TSHZ2: variants seen among roughly 807,000 people sequenced by gnomAD.
TSHZ2 encodes teashirt zinc finger homeobox 2, also known as teashirt homolog 2.
A neutral mutation model predicts 74.4 loss-of-function variants in TSHZ2; 21 were observed. The observed-to-expected ratio is 0.28, with a 90% CI of 0.20 to 0.41. The LOEUF is 0.41. Ranked by LOEUF, TSHZ2 falls within the 10% of genes least tolerant of loss-of-function variation. The pLI is 1.00. For synonymous variants in TSHZ2, 540 were observed against 515.3 expected (o/e 1.05, Z -0.65); for missense variants, 1,244 against 1,293.5 (o/e 0.96, Z 0.59).
chr20:53,361,568 C>T (rs1432163997), intron 2 of TSHZ2, among the ~76,000 whole-genome samples: 1 of 152,202 alleles, frequency 6.6e-6, no homozygotes, highest in African/African-American at 2.4e-5. Flanking sequence ...CTGAGTCACT[C>T]TTGAGGCCTT....
At chr20:53,063,681 G>A (rs573405147) in intron 1 of TSHZ2, among the ~76,000 whole-genome samples, 1 of 152,284 alleles carries the variant, frequency 6.6e-6, no homozygotes, top group East Asian at 1.9e-4. Context: ...ATATGCATAT[G>A]CAAAAATCAA....
chr20:52,990,336 A>T (rs889307362), intron 1 of TSHZ2, among the ~76,000 whole-genome samples: 36 of 151,920 alleles, frequency 2.4e-4, no homozygotes, highest in Middle Eastern at 3.4e-3. Flanking sequence ...TAACCAAAAC[A>T]TTTGCACATA....
chr20:53,295,472 A>G (rs1437864956), intron 2 of TSHZ2, among the ~76,000 whole-genome samples: 1 of 152,160 alleles, frequency 6.6e-6, no homozygotes, highest in African/African-American at 2.4e-5. Context: ...ATCACTAAAA[A>G]CAAAGAAATG....
intron 1 of TSHZ2, among the ~76,000 whole-genome samples, chr20:53,142,642 T>A (rs1224641804): frequency 2.6e-5 from 4 of 152,228 alleles, no homozygotes; most frequent in African/African-American, 4.8e-5. Flanking sequence ...CTTTGTCTAA[T>A]GCTTGCATTT....
At chr20:53,007,584 T>C (rs937566151) in intron 1 of TSHZ2, among the ~76,000 whole-genome samples, 9 of 151,730 alleles carry the variant, frequency 5.9e-5, no homozygotes, top group African/African-American at 1.9e-4. Flanking sequence ...ATGATAAGAG[T>C]CATCCAAGAA....
intron 2 of TSHZ2, among the ~76,000 whole-genome samples, chr20:53,408,379 A>G: frequency 6.6e-6 from 1 of 152,230 alleles, no homozygotes; most frequent in Non-Finnish European, 1.5e-5. Context: ...TGTGGTTCTC[A>G]AGCCAGTCTC....
At chr20:53,450,418 C>T (rs1984731653) in intron 2 of TSHZ2, among the ~76,000 whole-genome samples, 2 of 152,214 alleles carry the variant, frequency 1.3e-5, no homozygotes, top group African/African-American at 2.4e-5. Context: ...TTTTCTTGAA[C>T]TCATGCAGGA....
chr20:53,327,774 C>G (rs1006824603), intron 2 of TSHZ2, among the ~76,000 whole-genome samples: 1 of 152,208 alleles, frequency 6.6e-6, no homozygotes, highest in African/African-American at 2.4e-5. Context: ...CTTCAGGGTA[C>G]GATAAGAGCT....
rs184808371 is a variant in TSHZ2, at chr20:53,489,278, C to T, written c.*2143C>T. On this transcript the variant is annotated 3_prime_UTR_variant, in exon 3 of 3. Transcript: ENST00000371497. ...TTGAGAACAGTGAGGTCTGTCTTTGCTTAACCTATTCAACCAGAAATGAAT... is the reference window on the plus strand; with the variant it reads ...TTGAGAACAGTGAGGTCTGTCTTTGTTTAACCTATTCAACCAGAAATGAAT... 1 of 432,178 alleles carries T rather than the reference C, an allele frequency of 2.3e-6. No homozygotes were observed. The highest frequency in any genetic ancestry group is 2.5e-5 in the Admixed American group (1 of 40,204). 26.8% of individuals were successfully genotyped at this position (432,178 alleles called of 1,614,324 possible).
intron 1 of TSHZ2, among the ~76,000 whole-genome samples, chr20:53,095,549 A>G (rs927772876): frequency 9.8e-5 from 15 of 152,346 alleles, no homozygotes; most frequent in Admixed American, 5.2e-4. Context: ...GAACAACAAC[A>G]GCAGCAACAA....
intron 1 of TSHZ2, among the ~76,000 whole-genome samples, chr20:53,104,976 A>G (rs984573305): frequency 6.6e-6 from 1 of 152,194 alleles, no homozygotes; most frequent in African/African-American, 2.4e-5. Context: ...AAGGCTTCCT[A>G]TTAAATGGAG....
intron 2 of TSHZ2, among the ~76,000 whole-genome samples, chr20:53,370,256 C>T (rs156613): frequency 0.81 from 122,571 of 152,096 alleles, 49,853 homozygotes; most frequent in African/African-American, 0.93. Flanking sequence ...GAGAGGAAAG[C>T]CAAGGAGTCA....
rs149282107 is a variant in TSHZ2 at position 53,397,731 on chromosome 20, G to A, written c.*9-89413G>A. 235 of 152,308 alleles carry A rather than the reference G, an allele frequency of 1.5e-3. 1 individual carries two copies. The highest frequency in any genetic ancestry group is 5.4e-3 in the African/African-American group (226 of 41,560). The allele number at this position is 152,308 out of a possible 1,614,324, so 9.4% of individuals were successfully genotyped here. A position where few individuals can be genotyped will look rare whatever the true frequency, so the allele number is the denominator to read the frequency against. On this transcript the variant is annotated intron_variant, in intron 2 of 2. Coordinates refer to ENST00000371497, the MANE Select transcript of TSHZ2 (RefSeq NM_173485.6). ...GCAAAGACTTGGAACCAATCCAAAT[G>A]TCTACCAATGATAGACTGGATTAAG...
At chr20:53,151,838 T>C (rs1172406559) in intron 1 of TSHZ2, among the ~76,000 whole-genome samples, 4 of 152,222 alleles carry the variant, frequency 2.6e-5, no homozygotes, top group Non-Finnish European at 4.4e-5. Context: ...CCATTGGTGA[T>C]TATTCTTTAG....
In TSHZ2 at chr20:53,007,618, T is replaced by TG. The variant is rs373480264; in HGVS notation, c.40+34286dup. ...AAAGAAATGTGTGTTTGTGTGTGTG[T>TG]GTGTGTGAGTATGTGTGTATACTCG... is the stretch of plus-strand genomic sequence containing the variant. On this transcript the variant is annotated intron_variant, in intron 1 of 2. Coordinates refer to ENST00000371497, the MANE Select transcript of TSHZ2 (RefSeq NM_173485.6). Among the ~76,000 whole-genome samples the TG allele has an allele frequency of 3.8e-3, 578 of 152,182 alleles. 6 individuals carry two copies. The highest frequency in any genetic ancestry group is 0.013 in the African/African-American group (547 of 41,518).
intron 2 of TSHZ2, among the ~76,000 whole-genome samples, chr20:53,270,050 C>G (rs958938411): frequency 2.0e-4 from 30 of 152,066 alleles, no homozygotes; most frequent in African/African-American, 6.5e-4. Flanking sequence ...AAACTGGGAG[C>G]TATGTAGGAA....
intron 1 of TSHZ2, among the ~76,000 whole-genome samples, chr20:53,121,810 G>A (rs1293426): frequency 0.75 from 114,270 of 151,962 alleles, 43,374 homozygotes; most frequent in East Asian, 1. Flanking sequence ...CGGGGAAGTC[G>A]AGGTCATTAA....
chr20:53,469,612 G>GAGAA lies in TSHZ2; in HGVS notation c.*9-17531_*9-17530insGAAA, dbSNP rs1321816562. ...AGGAAGGAAGGACCCAAGAAAGATAGATAGAGAGGGAGGAAGGGAGGGAGG... is the reference window on the plus strand; with the variant it reads ...AGGAAGGAAGGACCCAAGAAAGATAGAGAAATAGAGAGGGAGGAAGGGAGGGAGG... On this transcript the variant is annotated intron_variant, in intron 2 of 2. Transcript: ENST00000371497. 1.7e-3 allele frequency among the ~76,000 whole-genome samples: 109 copies of GAGAA among 63,078 alleles called. 3 individuals are homozygous for GAGAA. The highest frequency in any genetic ancestry group is 9.8e-3 in the Middle Eastern group (1 of 102). 41.4% of individuals were successfully genotyped at this position (63,078 alleles called of 152,430 possible).
chr20:53,141,311 G>T (rs572019634), intron 1 of TSHZ2, among the ~76,000 whole-genome samples: 30 of 152,310 alleles, frequency 2.0e-4, no homozygotes, highest in Admixed American at 1.8e-3. Context: ...GGAGCCCAGG[G>T]CATCATTAGT....
Sources: allele counts gnomAD v4.1 joint callset (sites outside exome capture counted in the v4.1 genomes callset), GRCh38; gene constraint gnomAD v4.1.1; transcripts MANE v1.5; gene names NCBI Gene and HGNC (gene_info 2026-07-23, HGNC 2026-07-21).